The following CNOT6 variants were observed in gnomAD, a reference collection of about 807,000 sequenced individuals.
CNOT6 encodes carbon catabolite repression 4 protein.
Under a neutral mutation model 61.2 loss-of-function variants are expected in CNOT6, and 12 were observed. The observed-to-expected ratio is 0.20, with a 90% CI of 0.13 to 0.32. The LOEUF is 0.32. Among genes scored for constraint, CNOT6 ranks in the 10% least tolerant of loss-of-function variants. The pLI, the probability that CNOT6 is intolerant of heterozygous loss-of-function variation, is 1.00. For synonymous variants in CNOT6, 225 were observed against 240.6 expected (o/e 0.94, Z 0.60); for missense variants, 405 against 663.9 (o/e 0.61, Z 4.28).
At chr5:180,522,957 G>A (rs1304700318) in intron 1 of CNOT6, among the ~76,000 whole-genome samples, 3 of 152,230 alleles carry the variant, frequency 2.0e-5, no homozygotes, top group Admixed American at 2.0e-4. Context: ...AGGAGGGAGT[G>A]TTGGGAACCC....
chr5:180,573,345 A>G (rs1760847327), intron 11 of CNOT6, among the ~76,000 whole-genome samples: 2 of 152,276 alleles, frequency 1.3e-5, no homozygotes, highest in East Asian at 3.9e-4. Flanking sequence ...ACAAGTCTCA[A>G]CCACACAAAT....
chr5:180,545,581 C>A (rs931034892), intron 2 of CNOT6, among the ~76,000 whole-genome samples: 5 of 152,052 alleles, frequency 3.3e-5, no homozygotes, highest in African/African-American at 9.7e-5. Context: ...GAGTAGTAGT[C>A]CATTGTATGG....
chr5:180,561,622 G>A (rs1760192849), intron 4 of CNOT6, among the ~76,000 whole-genome samples: 1 of 152,128 alleles, frequency 6.6e-6, no homozygotes, highest in Non-Finnish European at 1.5e-5. Context: ...TCTTTGCCTA[G>A]CACTGCTGTG....
rs1022337420 is a variant in CNOT6, at chr5:180,576,775, A to T, written c.*2575A>T. 1 of 152,218 alleles carries T rather than the reference A, an allele frequency of 6.6e-6. No individual in the cohort carries two copies. The highest frequency in any genetic ancestry group is 2.4e-5 in the African/African-American group (1 of 41,464). 9.4% of individuals were successfully genotyped at this position (152,218 alleles called of 1,614,324 possible). The stretch of plus-strand genomic sequence containing the variant: ...ATTTTCCGTGTCCTAAATAATTTTC[A>T]ATAATCTATAATCCCTAAAATGCAA... On this transcript the variant is annotated 3_prime_UTR_variant, in exon 12 of 12. Coordinates refer to ENST00000261951, the MANE Select transcript of CNOT6 (RefSeq NM_001370472.1).
chr5:180,561,393 T>TGTGTGTG (rs1554102908), intron 4 of CNOT6, among the ~76,000 whole-genome samples: 3 of 149,112 alleles, frequency 2.0e-5, no homozygotes, highest in African/African-American at 4.9e-5. Flanking sequence ...TGTGTGTGTG[T>TGTGTGTG]TTTCAAGCAT....
intron 4 of CNOT6, among the ~76,000 whole-genome samples, chr5:180,563,575 CA>C (rs1208477483): frequency 6.6e-6 from 1 of 152,262 alleles, no homozygotes; most frequent in Non-Finnish European, 1.5e-5. Flanking sequence ...TAGGAAAAAA[CA>C]CTTCCTTTAG....
At chr5:180,555,883 G>T (rs1759859408) in intron 4 of CNOT6, among the ~76,000 whole-genome samples, 2 of 152,118 alleles carry the variant, frequency 1.3e-5, no homozygotes, top group South Asian at 4.1e-4. Flanking sequence ...AGAATGGCTG[G>T]CAGGCTTCAC....
chr5:180,564,949 G>T (rs955642185), intron 6 of CNOT6, among the ~76,000 whole-genome samples: 3 of 152,206 alleles, frequency 2.0e-5, no homozygotes, highest in Non-Finnish European at 4.4e-5. Context: ...ATAAAGCAGT[G>T]CTTCTCAAAC....
At chr5:180,519,670 AT>A (rs1304370643) in intron 1 of CNOT6, among the ~76,000 whole-genome samples, 3 of 151,952 alleles carry the variant, frequency 2.0e-5, no homozygotes, top group Non-Finnish European at 4.4e-5. Context: ...AAATGTTCTG[AT>A]TTTTATCGCC....
At chr5:180,513,125 CTGACCTCG>C (rs1757473746) in intron 1 of CNOT6, among the ~76,000 whole-genome samples, 1 of 151,776 alleles carries the variant, frequency 6.6e-6, no homozygotes, top group Non-Finnish European at 1.5e-5. Context: ...TCTGGAACTC[CTGACCTCG>C]TGATCCACCC....
intron 2 of CNOT6, among the ~76,000 whole-genome samples, chr5:180,531,054 A>C (rs906555420): frequency 6.6e-6 from 1 of 152,148 alleles, no homozygotes; most frequent in African/African-American, 2.4e-5. Context: ...CGTTGTCATC[A>C]TGGCCCGTTC....
chr5:180,548,707 G>A (rs959069662), intron 2 of CNOT6, among the ~76,000 whole-genome samples: 1 of 152,184 alleles, frequency 6.6e-6, no homozygotes, highest in African/African-American at 2.4e-5. Context: ...GCTGATTCAT[G>A]TATATTATCT....
chr5:180,510,064 A>G (rs1581475388), intron 1 of CNOT6, among the ~76,000 whole-genome samples: 3 of 147,106 alleles, frequency 2.0e-5, no homozygotes, highest in East Asian at 4.0e-4. Context: ...TTGATTTCCT[A>G]CAAGGAAAGA....
chr5:180,519,320 C>T (rs180707847), intron 1 of CNOT6, among the ~76,000 whole-genome samples: 1 of 152,300 alleles, frequency 6.6e-6, no homozygotes, highest in East Asian at 1.9e-4. Flanking sequence ...TTGAGGAATT[C>T]CTTGCATAGT....
At chr5:180,531,167 C>T (rs1257839690) in intron 2 of CNOT6, among the ~76,000 whole-genome samples, 1 of 133,872 alleles carries the variant, frequency 7.5e-6, no homozygotes, top group African/African-American at 2.7e-5. Flanking sequence ...CCCCACCTCC[C>T]TCCCAGCTGG....
chr5:180,568,230 CTTT>C (rs10601026), intron 9 of CNOT6, among the ~76,000 whole-genome samples: 8,273 of 144,474 alleles, frequency 0.057, 280 homozygotes, highest in Non-Finnish European at 0.085. Context: ...ATTAAAAAAC[CTTT>C]TTTTTTTTTT....
At chr5:180,540,371 A>G (rs1460059470) in intron 2 of CNOT6, among the ~76,000 whole-genome samples, 2 of 152,186 alleles carry the variant, frequency 1.3e-5, no homozygotes, top group African/African-American at 4.8e-5. Context: ...GTAATATTAT[A>G]CCATTTCACT....
chr5:180,573,516 G>A (rs1169786051), intron 11 of CNOT6, among the ~76,000 whole-genome samples: 1 of 150,850 alleles, frequency 6.6e-6, no homozygotes, highest in Non-Finnish European at 1.5e-5. Flanking sequence ...ATAACAAGTA[G>A]AAGAAAGTGT....
At chr5:180,502,217 T>G (rs1291169943) in intron 1 of CNOT6, among the ~76,000 whole-genome samples, 2 of 152,216 alleles carry the variant, frequency 1.3e-5, no homozygotes, top group African/African-American at 4.8e-5. Flanking sequence ...TTGGTTGAAA[T>G]TATTGCATTT....
Sources: allele counts gnomAD v4.1 joint callset (sites outside exome capture counted in the v4.1 genomes callset), GRCh38; gene constraint gnomAD v4.1.1; transcripts MANE v1.5; gene names NCBI Gene and HGNC (gene_info 2026-07-23, HGNC 2026-07-21).